The following CHD7 variants were observed in gnomAD, a reference collection of about 807,000 sequenced individuals.
CHD7 encodes the protein ATP-dependent chromatin remodeler CHD7.
CHD7 carries 24 observed loss-of-function variants against 307.3 expected under a neutral mutation model. The observed-to-expected ratio is 0.08, with a 90% confidence interval of 0.06 to 0.11. The LOEUF is 0.11. Ranked by LOEUF, CHD7 falls within the 10% of genes least tolerant of loss-of-function variation. CHD7 has a pLI of 1.00. For missense variants in CHD7, 3,106 were observed against 3,727.1 expected (o/e 0.83, Z 4.34); for synonymous variants, 1,363 against 1,349.9 (o/e 1.01, Z -0.21).
chr8:60,862,820 T>TTCTTAC, intron 37 of CHD7, 168 bp downstream of exon 37: 1 of 589,696 alleles, frequency 1.7e-6, no homozygotes, highest in South Asian at 2.1e-5. Flanking sequence ...AATACATCAT[T>TTCTTAC]AATCCAAAGT....
chr8:60,803,064 T>C lies in CHD7; in HGVS notation c.2442+1471T>C, dbSNP rs138938458. 3.1e-3 allele frequency among the ~76,000 whole-genome samples: 474 copies of C among 152,310 alleles called. 1 individual carries two copies. Among genetic ancestry groups the C allele is most frequent in the African/African-American group, 0.011 (461 of 41,556 alleles). On this transcript the variant is annotated intron_variant, in intron 6 of 37. Transcript: ENST00000423902. ...GAATTAAATTTCCCACCTGCTCAAG[T>C]AGGAAACAAGCACTATTTAACTCAT...
intron 1 of CHD7, among the ~76,000 whole-genome samples, chr8:60,688,230 T>C (rs1421275748): frequency 6.6e-6 from 1 of 152,174 alleles, no homozygotes; most frequent in African/African-American, 2.4e-5. Flanking sequence ...CAGATACGGG[T>C]GTGAATCATA....
At chr8:60,815,700 A>C (rs746519730) in intron 7 of CHD7, among the ~76,000 whole-genome samples, 41 of 152,242 alleles carry the variant, frequency 2.7e-4, no homozygotes, top group Admixed American at 1.3e-4. Flanking sequence ...CAGGGGACCA[A>C]GGAATATCAT....
chr8:60,765,854 C>T (rs1388151837), intron 2 of CHD7, among the ~76,000 whole-genome samples: 1 of 152,164 alleles, frequency 6.6e-6, no homozygotes, highest in African/African-American at 2.4e-5. Context: ...GAAGATGAGA[C>T]TAGCAGGAGA....
Position 60,822,566 on chromosome 8 carries a change from C to T in CHD7, c.3021C>T (p.Leu1007=). 6.2e-7 allele frequency: 1 copy of T among 1,613,660 alleles called. No homozygotes were observed. The highest frequency in any genetic ancestry group is 8.5e-7 in the Non-Finnish European group (1 of 1,179,600). The change falls in exon 12 of 38, where the codon CTC becomes CTT. Residue 1007 remains leucine, a synonymous_variant. Coordinates refer to ENST00000423902, the MANE Select transcript of CHD7 (RefSeq NM_017780.4). ...LGKTIQSITF[L]YEIYLKGIHG... is the part of the protein sequence containing the mutation. ...AAACTATCCAGTCCATTACATTTCT[C>T]TATGAGATATATTTGAAAGGAATCC...
At chr8:60,749,243 T>A (rs1403686020) in intron 2 of CHD7, among the ~76,000 whole-genome samples, 1 of 151,788 alleles carries the variant, frequency 6.6e-6, no homozygotes, top group South Asian at 2.1e-4. Context: ...TGGTGGTGCA[T>A]GCCTGAAATC....
Position 60,853,272 on chromosome 8 carries a change from G to A in CHD7, c.6547G>A (p.Ala2183Thr). 6.2e-7 allele frequency: 1 copy of A among 1,612,450 alleles called. No individual in the cohort carries two copies. The highest frequency in any genetic ancestry group is 8.5e-7 in the Non-Finnish European group (1 of 1,178,874). The change falls in exon 31 of 38, where the codon GCC becomes ACC. Residue 2183 changes from alanine (A) to threonine (T), a missense_variant. This residue lies in a region of CHD7 where 1,030 missense variants were observed against 1,165.4 expected (regional missense o/e 0.88). Coordinates refer to ENST00000423902, the MANE Select transcript of CHD7 (RefSeq NM_017780.4). ...GKVEEPENPA[A>T]KEKCEGKEEE... Reference sequence around the variant, plus strand: ...AGTGGAGGAGCCTGAAAACCCAGCTGCCAAGGAGAAATGTGAGGGCAAAGA... The same window carrying A: ...AGTGGAGGAGCCTGAAAACCCAGCTACCAAGGAGAAATGTGAGGGCAAAGA...
chr8:60,834,939 A>G (rs146100639), intron 15 of CHD7, among the ~76,000 whole-genome samples: 7 of 152,334 alleles, frequency 4.6e-5, no homozygotes, highest in Admixed American at 3.3e-4. Flanking sequence ...ATGTATCCCC[A>G]TCTTGTGTAT....
At chr8:60,831,444 G>C (rs1354583940) in intron 15 of CHD7, among the ~76,000 whole-genome samples, 1 of 152,004 alleles carries the variant, frequency 6.6e-6, no homozygotes, top group Non-Finnish European at 1.5e-5. Flanking sequence ...CAAAGTAAAA[G>C]GCACACATAA....
intron 3 of CHD7, among the ~76,000 whole-genome samples, chr8:60,792,040 C>T (rs112641669): frequency 2.6e-5 from 4 of 152,270 alleles, no homozygotes; most frequent in African/African-American, 9.6e-5. Flanking sequence ...ATTTAAACCT[C>T]ATAATAAATC....
rs371742009 is a variant in CHD7 at position 60,820,082 on chromosome 8, C to T, written c.2689C>T (p.Arg897Trp). 6.2e-6 allele frequency: 10 copies of T among 1,603,298 alleles called. No individual in the cohort carries two copies. The highest frequency in any genetic ancestry group is 4.5e-5 in the South Asian group (4 of 89,446). Residue 897 changes from arginine (R) to tryptophan (W), a missense_variant, in exon 9 of 38, where the codon CGG (arginine) becomes TGG (tryptophan). Coordinates refer to ENST00000423902, the MANE Select transcript of CHD7 (RefSeq NM_017780.4). Reference sequence around the variant, plus strand: ...GGACTTTGCACGTAGCACAGATGACCGGGGAGAGGTAACAGGAGATCATTT... The same window carrying T: ...GGACTTTGCACGTAGCACAGATGACTGGGGAGAGGTAACAGGAGATCATTT... ...IMDFARSTDD[R>W]GEPVTHYLVK...
chr8:60,798,902 AAC>A (rs1812160182), intron 4 of CHD7, among the ~76,000 whole-genome samples: 2 of 152,290 alleles, frequency 1.3e-5, no homozygotes, highest in South Asian at 2.1e-4. Context: ...TCTTTGACAA[AAC>A]AGTTAAATAA....
intron 1 of CHD7, among the ~76,000 whole-genome samples, chr8:60,718,117 A>G (rs1481131162): frequency 6.6e-6 from 1 of 152,234 alleles, no homozygotes; most frequent in East Asian, 1.9e-4. Context: ...GATGGAAGAC[A>G]GTGATATTGA....
intron 1 of CHD7, among the ~76,000 whole-genome samples, chr8:60,691,771 T>C (rs1373328039): frequency 6.6e-6 from 1 of 152,252 alleles, no homozygotes; most frequent in African/African-American, 2.4e-5. Context: ...CCGAGGTAAC[T>C]TTCTTACCTG....
intron 6 of CHD7, among the ~76,000 whole-genome samples, chr8:60,803,931 A>G (rs1396130271): frequency 6.6e-6 from 1 of 152,180 alleles, no homozygotes; most frequent in Non-Finnish European, 1.5e-5. Flanking sequence ...TCTGCCAGGC[A>G]GCACTGTAGA....
chr8:60,704,600 A>G (rs1211059079), intron 1 of CHD7, among the ~76,000 whole-genome samples: 1 of 151,212 alleles, frequency 6.6e-6, no homozygotes, highest in Admixed American at 6.6e-5. Flanking sequence ...TGCATAGTCC[A>G]GGTGAGAGGT....
chr8:60,708,839 T>G (rs1807143788), intron 1 of CHD7, among the ~76,000 whole-genome samples: 1 of 152,220 alleles, frequency 6.6e-6, no homozygotes, highest in Non-Finnish European at 1.5e-5. Flanking sequence ...CCTTATATTG[T>G]CCTTTCATTC....
rs1805560223 is a variant in CHD7, at chr8:60,853,344, T to C, written c.6619T>C (p.Cys2207Arg). The C allele has an allele frequency of 6.3e-7, 1 of 1,588,444 alleles. No homozygotes were observed. The highest frequency in any genetic ancestry group is 1.4e-5 in the African/African-American group (1 of 73,682). ...DGSGKESKQE[C>R]EAEASSVKNE... ...CAGCGGGAAGGAGAGCAAGCAGGAATGTGAGGCAGAGGCCAGCTCTGTGAA... is the reference window on the plus strand; with the variant it reads ...CAGCGGGAAGGAGAGCAAGCAGGAACGTGAGGCAGAGGCCAGCTCTGTGAA... The change falls in exon 31 of 38, where the codon TGT becomes CGT. Residue 2207 changes from cysteine (C) to arginine (R), a missense_variant. Transcript: ENST00000423902.
At chr8:60,724,533 A>G (rs1195486753) in intron 1 of CHD7, among the ~76,000 whole-genome samples, 2 of 152,236 alleles carry the variant, frequency 1.3e-5, no homozygotes, top group South Asian at 2.1e-4. Flanking sequence ...ATGGAATGCA[A>G]ATTTTCATAG....
Sources: gnomAD v4.1 joint callset for allele counts (sites outside exome capture counted in the v4.1 genomes callset) on GRCh38, gnomAD v4.1.1 for gene constraint, gnomAD v4.1.1 regional missense constraint, MANE v1.5 for transcripts, NCBI Gene and HGNC (gene_info 2026-07-23, HGNC 2026-07-21) for gene names.